Variants in HERC3 observed in about 807,000 individuals in gnomAD.
HERC3 encodes the protein HECT and RLD domain containing E3 ubiquitin protein ligase 3.
In HERC3, 58 loss-of-function variants were observed where a neutral mutation model predicts 129.9. The ratio of observed to expected loss-of-function variants is 0.45; its 90% CI spans 0.36 to 0.56. The LOEUF is 0.56. Among genes scored for constraint, HERC3 ranks in the 20% least tolerant of loss-of-function variants. The probability of loss-of-function intolerance (pLI) is 0.00; values close to 1 mark genes in which losing one functional copy is unlikely to be tolerated. For synonymous variants in HERC3, 430 were observed against 451.0 expected (o/e 0.95, Z 0.59); for missense variants, 835 against 1,244.2 (o/e 0.67, Z 4.95).
chr4:88,693,169 A>G, intron 23 of HERC3: 4 of 984,846 alleles, frequency 4.1e-6, no homozygotes, highest in Non-Finnish European at 3.6e-6. Context: ...GCTTGTTTGT[A>G]TGTTCTTTTT....
the HERC3 span, among the ~76,000 whole-genome samples, chr4:88,562,620 T>G: frequency 0.4 from 61,342 of 151,988 alleles, 14,767 homozygotes; most frequent in African/African-American, 0.68. Context: ...TCTTGTAGTA[T>G]TTTTATAGTT....
At chr4:88,693,163 G>T in intron 23 of HERC3, 1 of 985,010 alleles carries the variant, frequency 1.0e-6, no homozygotes, top group Non-Finnish European at 1.2e-6. Context: ...TATTTGGCTT[G>T]TTTGTATGTT....
At chr4:88,629,611 T>C (rs10013481) in intron 3 of HERC3, among the ~76,000 whole-genome samples, 12,430 of 152,250 alleles carry the variant, frequency 0.082, 726 homozygotes, top group South Asian at 0.23. Context: ...TGGTGGTATG[T>C]TATAAAAATG....
At chr4:88,612,748 G>C (rs1028366866) in intron 3 of HERC3, among the ~76,000 whole-genome samples, 3 of 152,040 alleles carry the variant, frequency 2.0e-5, no homozygotes, top group Non-Finnish European at 1.5e-5. Flanking sequence ...AATTTTCTAA[G>C]ACATAAAGTT....
intron 1 of HERC3, among the ~76,000 whole-genome samples, chr4:88,592,779 C>T (rs948411045): frequency 1.9e-4 from 29 of 152,080 alleles, no homozygotes; most frequent in African/African-American, 6.5e-4. Flanking sequence ...GGCGCGGCGC[C>T]CTTAGTACCC....
intron 12 of HERC3, among the ~76,000 whole-genome samples, chr4:88,665,693 C>A (rs1251689535): frequency 1.3e-5 from 2 of 152,116 alleles, no homozygotes; most frequent in Admixed American, 6.6e-5. Flanking sequence ...CATCACCACC[C>A]CCTCCCCACA....
intron 23 of HERC3, among the ~76,000 whole-genome samples, chr4:88,701,571 A>T (rs1160826218): frequency 6.6e-6 from 1 of 152,216 alleles, no homozygotes; most frequent in African/African-American, 2.4e-5. Context: ...AAACATTTGT[A>T]TATATGATCC....
At chr4:88,626,433 C>T (rs1726107450) in intron 3 of HERC3, among the ~76,000 whole-genome samples, 1 of 152,012 alleles carries the variant, frequency 6.6e-6, no homozygotes, top group African/African-American at 2.4e-5. Flanking sequence ...CCATCTGGCC[C>T]TAGAGCTTTC....
chr4:88,603,332 C>T (rs531231397), intron 2 of HERC3, among the ~76,000 whole-genome samples: 20 of 151,918 alleles, frequency 1.3e-4, no homozygotes, highest in East Asian at 9.7e-4. Context: ...CTCAGCCTCC[C>T]GAGTAGCTGG....
chr4:88,695,700 T>TA (rs1410203962), intron 23 of HERC3, among the ~76,000 whole-genome samples: 2 of 152,178 alleles, frequency 1.3e-5, no homozygotes, highest in African/African-American at 4.8e-5. Context: ...ATTCAGCACT[T>TA]ACCATGGTTT....
chr4:88,574,974 A>G, the HERC3 span, among the ~76,000 whole-genome samples: 1 of 152,252 alleles, frequency 6.6e-6, no homozygotes, highest in East Asian at 1.9e-4. Context: ...ATTATATTTA[A>G]TACTTTCAGA....
At chr4:88,658,561 A>G in intron 10 of HERC3, 70 bp downstream of exon 10, 1 of 781,654 alleles carries the variant, frequency 1.3e-6, no homozygotes, top group Non-Finnish European at 2.2e-6. Context: ...TTTAACAAGT[A>G]ATTACAACAT....
intron 3 of HERC3, among the ~76,000 whole-genome samples, chr4:88,620,336 A>T (rs1578182330): frequency 6.6e-6 from 1 of 152,184 alleles, no homozygotes; most frequent in South Asian, 2.1e-4. Flanking sequence ...CTTAAACCTA[A>T]CATATTCAAA....
chr4:88,682,182 A>G (rs1196334105), intron 21 of HERC3, among the ~76,000 whole-genome samples: 1 of 152,218 alleles, frequency 6.6e-6, no homozygotes, highest in Non-Finnish European at 1.5e-5. Context: ...TTTTTGTACA[A>G]ATGCAAGTTT....
chr4:88,641,821 A>C (rs185214126), intron 3 of HERC3, among the ~76,000 whole-genome samples: 3 of 152,256 alleles, frequency 2.0e-5, no homozygotes, highest in African/African-American at 7.2e-5. Flanking sequence ...TAAAGCCTTA[A>C]AAAGAAGTTC....
chr4:88,683,253 A>G (rs572001627), intron 21 of HERC3, among the ~76,000 whole-genome samples: 11 of 152,206 alleles, frequency 7.2e-5, no homozygotes, highest in Non-Finnish European at 1.2e-4. Context: ...GATCAAGTAT[A>G]TAAAAGGACA....
At chr4:88,660,606 G>A (rs1240502407) in intron 10 of HERC3, among the ~76,000 whole-genome samples, 1 of 152,196 alleles carries the variant, frequency 6.6e-6, no homozygotes, top group African/African-American at 2.4e-5. Flanking sequence ...TTGCTACACT[G>A]ATTCTAGGTC....
rs772106677 is a variant in HERC3, at chr4:88,678,013, T to G, written c.2075T>G (p.Leu692Arg). 36 of 1,613,770 alleles carry G rather than the reference T, an allele frequency of 2.2e-5. No individual in the cohort carries two copies. The highest frequency in any genetic ancestry group is 2.8e-5 in the Non-Finnish European group (33 of 1,180,012). ...CAGAATGTCTTCATGCTTCTCACCC[T>G]GGAGCCTCTGCTGGCCAGAAGCCCC... ...NLQNVFMLLTLEPLLARSPFL... is the reference protein window; with the variant it reads ...NLQNVFMLLTREPLLARSPFL... The change falls in exon 19 of 26, where the codon CTG (leucine) becomes CGG (arginine). Residue 692 changes from leucine (L) to arginine (R), a missense_variant. Transcript: ENST00000402738.
In HERC3 at chr4:88,667,997, C is replaced by T; in HGVS notation, c.1549C>T (p.Gln517Ter). 1 of 1,613,270 alleles carries T rather than the reference C, an allele frequency of 6.2e-7. No individual in the cohort carries two copies. The highest frequency in any genetic ancestry group is 8.5e-7 in the Non-Finnish European group (1 of 1,179,264). Reference sequence around the variant, plus strand: ...AATACTACCTGAGTTTCCCCTACTCCAGGATTCCAAGTATTATATAACATT... The same window carrying T: ...AATACTACCTGAGTTTCCCCTACTCTAGGATTCCAAGTATTATATAACATT... ...YLILPEFPLL[Q>*]DSKYYITLTI... is the part of the protein sequence containing the mutation. Residue 517 changes from glutamine (Q) to a stop codon, truncating the protein, a stop_gained, in exon 14 of 26, where the codon CAG becomes TAG. Coordinates refer to ENST00000402738, the MANE Select transcript of HERC3 (RefSeq NM_014606.3). LOFTEE classifies it high-confidence loss of function.
Sources: gnomAD v4.1 joint callset for allele counts (sites outside exome capture counted in the v4.1 genomes callset) on GRCh38, gnomAD v4.1.1 for gene constraint, MANE v1.5 for transcripts, NCBI Gene and HGNC (gene_info 2026-07-23, HGNC 2026-07-21) for gene names.